PCDHGA12: variants seen among roughly 807,000 people sequenced by gnomAD.
The protein encoded by PCDHGA12 is protocadherin gamma-A12.
PCDHGA12 carries 43 observed loss-of-function variants against 61.1 expected under a neutral mutation model. That is an observed-to-expected ratio of 0.70 (90% CI 0.55 to 0.91). The LOEUF is 0.91. Among genes scored for constraint, PCDHGA12 ranks in the 40% least tolerant of loss-of-function variants. The pLI is 0.00. For missense variants in PCDHGA12, 1,236 were observed against 1,227.7 expected (o/e 1.01, Z -0.10); for synonymous variants, 520 against 542.9 (o/e 0.96, Z 0.59).
At position 141,476,946 on chromosome 5, in the gene PCDHGA12, G is replaced by A; in HGVS notation, c.2425-17861G>A. ...ACGGATCTGGATGAAGGCCCCAACG[G>A]TGAAATTATTTACTCCTTCGGCAGC... On this transcript the variant is annotated intron_variant, in intron 1 of 3. Transcript: ENST00000252085. The surrounding 1 kb of genome is among the most constrained non-coding windows in gnomAD (Gnocchi z 7.6). The A allele has an allele frequency of 6.2e-7, 1 of 1,614,206 alleles. No individual in the cohort carries two copies. Among genetic ancestry groups the A allele is most frequent in the Non-Finnish European group, 8.5e-7 (1 of 1,180,044 alleles).
intron 1 of PCDHGA12, among the ~76,000 whole-genome samples, chr5:141,460,445 G>A (rs896549154): frequency 7.2e-5 from 11 of 152,144 alleles, no homozygotes; most frequent in Admixed American, 5.9e-4. Flanking sequence ...AGGTAACAAT[G>A]AAGATTCATA....
chr5:141,445,025 C>T (rs2154560886), intron 1 of PCDHGA12, among the ~76,000 whole-genome samples: 2 of 152,200 alleles, frequency 1.3e-5, no homozygotes, highest in Middle Eastern at 6.8e-3. Flanking sequence ...TTTCTCTCAG[C>T]TATGTTGTAT....
chr5:141,503,212 C>G (rs1227936455), intron 2 of PCDHGA12, among the ~76,000 whole-genome samples: 1 of 152,074 alleles, frequency 6.6e-6, no homozygotes, highest in African/African-American at 2.4e-5. Flanking sequence ...CAGTGCCCAC[C>G]ATGAGCACCG....
In PCDHGA12 at chr5:141,477,200, C is replaced by A; in HGVS notation, c.2425-17607C>A. On this transcript the variant is annotated intron_variant, in intron 1 of 3. Transcript: ENST00000252085. The surrounding 1 kb of genome is among the most constrained non-coding windows in gnomAD (Gnocchi z 4.9). The stretch of plus-strand genomic sequence containing the variant: ...AGTCACCTCCGTGTACAGCCCAGTA[C>A]CCGAGGATGCCCCTCTGGGGACTGT... 6.2e-7 allele frequency: 1 copy of A among 1,614,206 alleles called. No homozygotes were observed. Among genetic ancestry groups the A allele is most frequent in the South Asian group, 1.1e-5 (1 of 91,088 alleles).
intron 1 of PCDHGA12, among the ~76,000 whole-genome samples, chr5:141,475,504 T>C (rs1202550150): frequency 1.3e-5 from 2 of 152,254 alleles, no homozygotes; most frequent in Non-Finnish European, 2.9e-5. Flanking sequence ...AAATTATTAA[T>C]GTCTCCACGG....
At chr5:141,457,881 G>T (rs2098931594) in intron 1 of PCDHGA12, among the ~76,000 whole-genome samples, 2 of 152,230 alleles carry the variant, frequency 1.3e-5, no homozygotes, top group African/African-American at 4.8e-5. Context: ...TAGGAACCCT[G>T]TGTGGGGACT....
rs191188858 is a variant in PCDHGA12, at chr5:141,472,077, A to G, written c.2425-22730A>G. On this transcript the variant is annotated intron_variant, in intron 1 of 3. Transcript: ENST00000252085. ...GATTGACATGTCTGTGGTTATATCA[A>G]TGAGTACTATTATTATTCCCATTTT... 2.4e-3 allele frequency among the ~76,000 whole-genome samples: 365 copies of G among 152,346 alleles called. 2 individuals carry two copies. Among genetic ancestry groups the G allele is most frequent in the African/African-American group, 8.4e-3 (351 of 41,580 alleles).
chr5:141,497,384 A>G (rs2099776099), intron 2 of PCDHGA12, among the ~76,000 whole-genome samples: 1 of 151,900 alleles, frequency 6.6e-6, no homozygotes, highest in African/African-American at 2.4e-5. Context: ...TGGGGTGAGC[A>G]CCTTACCCCT....
In PCDHGA12 at chr5:141,431,202, C is replaced by T. The variant is rs2097350864; in HGVS notation, c.443C>T (p.Thr148Ile). The stretch of plus-strand genomic sequence containing the variant: ...ATAAAAATTAGTGAAAATGCAGCCA[C>T]TGAGATGCGGTTCCCTCTACCCCAC... ...LEIKISENAA[T>I]EMRFPLPHAW... The change falls in exon 1 of 4, where the codon ACT (threonine) becomes ATT (isoleucine). Residue 148 changes from threonine to isoleucine, a missense_variant. Coordinates refer to ENST00000252085, the MANE Select transcript of PCDHGA12 (RefSeq NM_003735.3). The surrounding 1 kb of genome is among the most constrained non-coding windows in gnomAD (Gnocchi z 4.8). 6.2e-7 allele frequency: 1 copy of T among 1,614,204 alleles called. No individual in the cohort carries two copies. Among genetic ancestry groups the T allele is most frequent in the Non-Finnish European group, 8.5e-7 (1 of 1,180,052 alleles).
chr5:141,509,199 GTC>G (rs1017134758), intron 3 of PCDHGA12, among the ~76,000 whole-genome samples: 1 of 152,070 alleles, frequency 6.6e-6, no homozygotes, highest in Non-Finnish European at 1.5e-5. Context: ...AATATTTCCT[GTC>G]TCTCTATTTC....
Position 141,476,036 on chromosome 5 carries a change from A to T in PCDHGA12, c.2425-18771A>T. ...ATGTCGGACTCGGCGCCCAGCGCCC[A>T]AGCGCTAACCCGCTGAAAGTTTCTC... On this transcript the variant is annotated intron_variant, in intron 1 of 3. Coordinates refer to ENST00000252085, the MANE Select transcript of PCDHGA12 (RefSeq NM_003735.3). This position sits in a 1 kb window ranked among gnomAD's most constrained non-coding sequence, Gnocchi z 7.6. 1.4e-6 allele frequency: 2 copies of T among 1,471,164 alleles called. No individual in the cohort carries two copies. The highest frequency in any genetic ancestry group is 1.8e-6 in the Non-Finnish European group (2 of 1,106,602). 91.1% of individuals were successfully genotyped at this position (1,471,164 alleles called of 1,614,324 possible).
chr5:141,441,102 C>A (rs1057297804), intron 1 of PCDHGA12: 2 of 152,148 alleles, frequency 1.3e-5, no homozygotes, highest in Non-Finnish European at 2.9e-5. Flanking sequence ...GAGAGGGACT[C>A]ATTGTCCAGT....
chr5:141,445,311 G>A (rs2098463310), intron 1 of PCDHGA12, among the ~76,000 whole-genome samples: 1 of 152,150 alleles, frequency 6.6e-6, no homozygotes, highest in East Asian at 1.9e-4. Flanking sequence ...CAGTTTGTAG[G>A]TTGAGAGAAC....
intron 1 of PCDHGA12, chr5:141,479,325 A>C (rs2099492835): frequency 6.6e-6 from 1 of 152,648 alleles, no homozygotes; most frequent in South Asian, 2.1e-4. Context: ...AGCCAGACTC[A>C]GTGGTGTGCA....
At chr5:141,441,742 T>C in intron 1 of PCDHGA12, 1 of 367,312 alleles carries the variant, frequency 2.7e-6, no homozygotes, top group Non-Finnish European at 5.4e-6. Context: ...TAGCTCGCGC[T>C]CGGCGTCAAC....
chr5:141,432,427 C>G lies in PCDHGA12; in HGVS notation c.1668C>G (p.Asn556Lys). 5 of 1,614,242 alleles carry G rather than the reference C, an allele frequency of 3.1e-6. No homozygotes were observed. The highest frequency in any genetic ancestry group is 4.2e-6 in the Non-Finnish European group (5 of 1,180,036). The change falls in exon 1 of 4, where the codon AAC (asparagine) becomes AAG (lysine). Residue 556 changes from asparagine to lysine, a missense_variant. Asn to Lys is a moderately conservative substitution (Grantham distance 94, BLOSUM62 0). Transcript: ENST00000252085. The surrounding 1 kb of genome is among the most constrained non-coding windows in gnomAD (Gnocchi z 6.0). Reference protein sequence around the residue: ...VSLSLFVLDQNDNAPEILYPA... With the variant: ...VSLSLFVLDQKDNAPEILYPA... ...TGAGCCTGTTCGTGCTGGACCAGAA[C>G]GACAATGCGCCCGAGATCCTGTACC... is the stretch of plus-strand genomic sequence containing the variant.
Position 141,487,399 on chromosome 5 carries a change from G to T in PCDHGA12, c.2425-7408G>T, listed in dbSNP as rs749826036. 6.2e-7 allele frequency: 1 copy of T among 1,614,140 alleles called. No individual in the cohort carries two copies. The highest frequency in any genetic ancestry group is 8.5e-7 in the Non-Finnish European group (1 of 1,180,014). ...TCACCAGATCTCGAAGGAGGGAGGG[G>T]CTTCCCCCTTCCAATGGGATCCTCC... On this transcript the variant is annotated intron_variant, in intron 1 of 3. Transcript: ENST00000252085. The surrounding 1 kb of genome is among the most constrained non-coding windows in gnomAD (Gnocchi z 5.0).
Position 141,438,593 on chromosome 5 carries a change from T to TAC in PCDHGA12, c.2424+5411_2424+5412insCA, listed in dbSNP as rs1414976871. Reference sequence around the variant, plus strand: ...TGATATACATACATACATACATACATATATATATATATATATATATATATA... The same window carrying TAC: ...TGATATACATACATACATACATACATACATATATATATATATATATATATATA... On this transcript the variant is annotated intron_variant, in intron 1 of 3. Transcript: ENST00000252085. Among the ~76,000 whole-genome samples the TAC allele has an allele frequency of 1.6e-3, 115 of 73,944 alleles. 1 individual carries two copies. The highest frequency in any genetic ancestry group is 2.9e-3 in the African/African-American group (63 of 21,786). The allele number at this position is 73,944 out of a possible 152,430, so 48.5% of individuals were successfully genotyped here. A position where few individuals can be genotyped will look rare whatever the true frequency, so the allele number is the denominator to read the frequency against.
At chr5:141,495,257 A>T (rs1411983517) in intron 2 of PCDHGA12, among the ~76,000 whole-genome samples, 1 of 152,200 alleles carries the variant, frequency 6.6e-6, no homozygotes, top group Non-Finnish European at 1.5e-5. Context: ...CTCAGGCAGA[A>T]AAGCATTTGA....
Sources: allele counts gnomAD v4.1 joint callset (sites outside exome capture counted in the v4.1 genomes callset), GRCh38; gene constraint gnomAD v4.1.1; non-coding constraint Gnocchi (gnomAD v3.1); transcripts MANE v1.5; gene names NCBI Gene and HGNC (gene_info 2026-07-23, HGNC 2026-07-21).